DMD: variants seen among roughly 807,000 people sequenced by gnomAD.
DMD encodes the protein dystrophin, also known as mutant dystrophin.
Under a neutral mutation model 330.1 loss-of-function variants are expected in DMD, and 63 were observed. The ratio of observed to expected loss-of-function variants is 0.19; its 90% CI spans 0.16 to 0.24. The LOEUF is 0.24. DMD is among the 10% of genes least tolerant of loss of function. DMD has a pLI of 1.00. For missense variants in DMD, 3,344 were observed against 2,684.1 expected, an observed-to-expected ratio of 1.25 and a Z score of -5.43; for synonymous variants, 1,223 against 959.8, an observed-to-expected ratio of 1.27 and a Z score of -5.07.
At chrX:33,036,809 G>GTATATATA (rs150933084) in intron 1 of DMD, among the ~76,000 whole-genome samples, 1,993 of 105,823 alleles carry the variant, frequency 0.019, 64 homozygotes, top group African/African-American at 0.063. Flanking sequence ...GCATGTGTGT[G>GTATATATA]TATATATATA....
At chrX:31,897,154 T>A (rs2094349936) in intron 47 of DMD, among the ~76,000 whole-genome samples, 2 of 109,308 alleles carry the variant, frequency 1.8e-5, no homozygotes, top group Admixed American at 2.0e-4. Flanking sequence ...TTCCCACCTA[T>A]GAGTGAGAAC....
chrX:32,351,696 C>A lies in DMD; in HGVS notation c.5326-3168G>T, dbSNP rs1365255763. ...ACTAAAAATTGAGGGCCAAAATAGA[C>A]ATTTCAAGGAGCTTTTTTAGTGACA... On this transcript the variant is annotated intron_variant, in intron 37 of 78. Transcript: ENST00000357033. 2.5e-4 allele frequency among the ~76,000 whole-genome samples: 28 copies of A among 110,246 alleles called. No individual in the cohort carries two copies. In the Admixed American group the frequency reaches 2.6e-3, roughly 10 times the overall value.
At chrX:32,624,698 G>A (rs1275427020) in intron 11 of DMD, among the ~76,000 whole-genome samples, 1 of 111,629 alleles carries the variant, frequency 9.0e-6, no homozygotes, top group Admixed American at 9.5e-5. Flanking sequence ...AGGAGCAATG[G>A]TATAAGTCAC....
chrX:32,261,080 G>A (rs905105976), intron 43 of DMD, among the ~76,000 whole-genome samples: 9 of 111,875 alleles, frequency 8.0e-5, no homozygotes, highest in Non-Finnish European at 1.7e-4. Flanking sequence ...CTAAACTGAT[G>A]GTGTTGATCA....
chrX:32,208,014 C>T (rs2097077925), intron 44 of DMD, among the ~76,000 whole-genome samples: 1 of 111,699 alleles, frequency 9.0e-6, no homozygotes, highest in Non-Finnish European at 1.9e-5. Context: ...ACAATACAAG[C>T]CTGTACTATG....
At chrX:33,072,361 T>G (rs2094772463) in intron 1 of DMD, among the ~76,000 whole-genome samples, 1 of 111,834 alleles carries the variant, frequency 8.9e-6, no homozygotes, top group South Asian at 3.8e-4. Flanking sequence ...GAGGTTGCAG[T>G]GAGCCACGAT....
chrX:32,820,168 G>C (rs12013351), intron 5 of DMD, among the ~76,000 whole-genome samples: 49,473 of 111,629 alleles, frequency 0.44, 8,450 homozygotes, highest in Non-Finnish European at 0.54. Flanking sequence ...GGCTGGGTGC[G>C]GTGGCTCACG....
At chrX:33,128,956 A>G (rs1233345331) in intron 1 of DMD, 1 of 112,394 alleles carries the variant, frequency 8.9e-6, no homozygotes, top group African/African-American at 3.2e-5. Context: ...AATGGAGATT[A>G]AGAACGAAAC....
chrX:32,383,834 C>T (rs1331168272), intron 33 of DMD, among the ~76,000 whole-genome samples: 2 of 109,612 alleles, frequency 1.8e-5, no homozygotes, highest in Non-Finnish European at 3.8e-5. Flanking sequence ...TCTAATGTCA[C>T]TTTCATTGCT....
At chrX:31,725,760 G>A (rs188338317) in intron 52 of DMD, among the ~76,000 whole-genome samples, 1 of 112,146 alleles carries the variant, frequency 8.9e-6, no homozygotes, top group Admixed American at 9.5e-5. Context: ...GGAGGGAGAA[G>A]CTACAGAAAC....
At chrX:33,230,669 C>T (rs2052372510) in intron 1 of DMD, among the ~76,000 whole-genome samples, 1 of 110,654 alleles carries the variant, frequency 9.0e-6, no homozygotes, top group Non-Finnish European at 1.9e-5. Context: ...AATCTCTATG[C>T]GATTCAGTGT....
chrX:32,783,229 CGT>C (rs1183434539), intron 7 of DMD, among the ~76,000 whole-genome samples: 1 of 95,007 alleles, frequency 1.1e-5, no homozygotes, highest in Admixed American at 1.2e-4. Flanking sequence ...TACGTGTATA[CGT>C]ATATACACAT....
intron 55 of DMD, among the ~76,000 whole-genome samples, chrX:31,598,884 C>T (rs1437377073): frequency 8.9e-6 from 1 of 112,054 alleles, no homozygotes; most frequent in Non-Finnish European, 1.9e-5. Context: ...CATGAAAGGA[C>T]TGTAAAAACA....
intron 62 of DMD, among the ~76,000 whole-genome samples, chrX:31,263,363 C>T (rs2050714865): frequency 8.9e-6 from 1 of 112,261 alleles, no homozygotes; most frequent in Non-Finnish European, 1.9e-5. Context: ...CATGGAGCTC[C>T]CCATCTTCTA....
intron 62 of DMD, among the ~76,000 whole-genome samples, chrX:31,278,312 C>T (rs565852070): frequency 3.6e-5 from 4 of 111,564 alleles, no homozygotes; most frequent in Non-Finnish European, 5.6e-5. Context: ...AAGAAGTTGA[C>T]GGAAGACAGT....
chrX:33,235,947 G>A (rs186867825), intron 1 of DMD, among the ~76,000 whole-genome samples: 1 of 104,354 alleles, frequency 9.6e-6, no homozygotes, highest in Admixed American at 1.0e-4. Flanking sequence ...ACGGAATCTG[G>A]CTCAGTCGTC....
intron 44 of DMD, among the ~76,000 whole-genome samples, chrX:32,084,791 G>A (rs2096418612): frequency 9.0e-6 from 1 of 111,240 alleles, no homozygotes; most frequent in South Asian, 3.9e-4. Context: ...AATTCACTCT[G>A]AGAGCAATTG....
intron 50 of DMD, among the ~76,000 whole-genome samples, chrX:31,815,043 C>T (rs1313194346): frequency 1.8e-5 from 2 of 112,385 alleles, no homozygotes; most frequent in Non-Finnish European, 3.8e-5. Context: ...GAATCCCACT[C>T]CTTGCTGCAC....
intron 1 of DMD, among the ~76,000 whole-genome samples, chrX:33,096,591 T>G (rs2095170276): frequency 9.2e-6 from 1 of 108,498 alleles, no homozygotes. Context: ...CTGCAACCTC[T>G]GCCTCCCAGA....
Sources: allele counts gnomAD v4.1 joint callset (sites outside exome capture counted in the v4.1 genomes callset), GRCh38; gene constraint gnomAD v4.1.1; transcripts MANE v1.5; gene names NCBI Gene and HGNC (gene_info 2026-07-23, HGNC 2026-07-21).